GPR39: variants seen among roughly 807,000 people sequenced by gnomAD.
GPR39 encodes zinc sensing receptor.
GPR39 carries 23 observed loss-of-function variants against 18.4 expected under a neutral mutation model. The observed-to-expected ratio is 1.25, with a 90% CI of 0.90 to 1.77. The LOEUF (loss-of-function observed/expected upper bound fraction) is 1.77. Ranked by LOEUF, GPR39 falls within the 40% of genes most tolerant of loss-of-function variation. The pLI is 0.00. For missense variants in GPR39, 647 were observed against 602.4 expected, an observed-to-expected ratio of 1.07 and a Z score of -0.78; for synonymous variants, 280 against 257.9, an observed-to-expected ratio of 1.09 and a Z score of -0.82.
Position 132,567,565 on chromosome 2 carries a change from C to T in GPR39, c.857-77536C>T, listed in dbSNP as rs116030340. Among the ~76,000 whole-genome samples, 1,272 of 152,276 alleles carry T rather than the reference C, an allele frequency of 8.4e-3. 17 individuals carry two copies. Among genetic ancestry groups the T allele is most frequent in the African/African-American group, 0.029 (1,209 of 41,538 alleles). ...AAGAAGAATTTGACCTTGGATTTCT[C>T]GGCCTCCTGAATGGTAAGAAAGAAA... On this transcript the variant is annotated intron_variant, in intron 1 of 1. Coordinates refer to ENST00000329321, the MANE Select transcript of GPR39 (RefSeq NM_001508.3).
chr2:132,584,879 A>G (rs1468965934), intron 1 of GPR39, among the ~76,000 whole-genome samples: 1 of 152,090 alleles, frequency 6.6e-6, no homozygotes, highest in Non-Finnish European at 1.5e-5. Flanking sequence ...TTGTTTATGG[A>G]CTTTTAACAG....
In GPR39 at chr2:132,646,364, G is replaced by T; in HGVS notation, c.*758G>T. 1.1e-6 allele frequency: 1 copy of T among 920,636 alleles called. No homozygotes were observed. The highest frequency in any genetic ancestry group is 1.5e-6 in the Non-Finnish European group (1 of 659,498). The allele number at this position is 920,636 out of a possible 1,614,324, so 57.0% of individuals were successfully genotyped here. A position where few individuals can be genotyped will look rare whatever the true frequency, so the allele number is the denominator to read the frequency against. The stretch of plus-strand genomic sequence containing the variant: ...CTCTCAGCCCAAATCCAAACGGACA[G>T]CTCTTCCTTACTCCTCCCACAGCCC... On this transcript the variant is annotated 3_prime_UTR_variant, in exon 2 of 2. Coordinates refer to ENST00000329321, the MANE Select transcript of GPR39 (RefSeq NM_001508.3).
At chr2:132,579,302 A>C (rs1002415786) in intron 1 of GPR39, among the ~76,000 whole-genome samples, 2 of 151,950 alleles carry the variant, frequency 1.3e-5, no homozygotes, top group Non-Finnish European at 2.9e-5. Context: ...GTTTAATTTC[A>C]TTGTGGTCAG....
intron 1 of GPR39, among the ~76,000 whole-genome samples, chr2:132,464,427 C>G (rs1040885269): frequency 1.3e-5 from 2 of 152,138 alleles, no homozygotes; most frequent in Non-Finnish European, 2.9e-5. Flanking sequence ...TGCAGTATGC[C>G]TAGACTATTT....
chr2:132,573,015 C>T (rs11895187), intron 1 of GPR39, among the ~76,000 whole-genome samples: 8,030 of 152,100 alleles, frequency 0.053, 691 homozygotes, highest in African/African-American at 0.18. Context: ...ACATGGGTGC[C>T]CATTGTGGAA....
intron 1 of GPR39, among the ~76,000 whole-genome samples, chr2:132,547,270 TG>T (rs1679966624): frequency 6.6e-6 from 1 of 152,128 alleles, no homozygotes; most frequent in Admixed American, 6.5e-5. Context: ...TAGACAAAAA[TG>T]GGTTCCATAC....
At chr2:132,469,543 C>T (rs1021957745) in intron 1 of GPR39, among the ~76,000 whole-genome samples, 2 of 152,174 alleles carry the variant, frequency 1.3e-5, no homozygotes, top group Non-Finnish European at 2.9e-5. Flanking sequence ...GCCTGAGCGT[C>T]CTTTGGCTTT....
chr2:132,578,935 T>C (rs1199264869), intron 1 of GPR39, among the ~76,000 whole-genome samples: 1 of 151,958 alleles, frequency 6.6e-6, no homozygotes. Context: ...AACAGCTATT[T>C]TTAAAATTTC....
intron 1 of GPR39, among the ~76,000 whole-genome samples, chr2:132,495,577 A>G (rs1241300590): frequency 6.6e-6 from 1 of 152,132 alleles, no homozygotes; most frequent in Non-Finnish European, 1.5e-5. Context: ...CAGAGAGGCC[A>G]GGTTTGATTG....
intron 1 of GPR39, among the ~76,000 whole-genome samples, chr2:132,534,859 G>T (rs13405662): frequency 0.15 from 23,183 of 151,718 alleles, 1,851 homozygotes; most frequent in Middle Eastern, 0.24. Flanking sequence ...GGAGGAGGGA[G>T]GGTTAGCATT....
intron 1 of GPR39, among the ~76,000 whole-genome samples, chr2:132,550,788 A>C (rs758826579): frequency 2.8e-4 from 43 of 152,216 alleles, no homozygotes; most frequent in Non-Finnish European, 3.1e-4. Context: ...TTCATACATT[A>C]GTGATTATTC....
At chr2:132,558,052 C>CT (rs1490756177) in intron 1 of GPR39, among the ~76,000 whole-genome samples, 2 of 152,004 alleles carry the variant, frequency 1.3e-5, no homozygotes, top group Non-Finnish European at 2.9e-5. Flanking sequence ...TTTAGGGCTT[C>CT]TTTTTTGTTA....
chr2:132,516,659 C>G (rs762774156), intron 1 of GPR39, among the ~76,000 whole-genome samples: 1 of 152,112 alleles, frequency 6.6e-6, no homozygotes, highest in Non-Finnish European at 1.5e-5. Flanking sequence ...CTACAGTTAC[C>G]TCCTAGGTAA....
At chr2:132,608,014 G>C (rs558598572) in intron 1 of GPR39, among the ~76,000 whole-genome samples, 1 of 152,246 alleles carries the variant, frequency 6.6e-6, no homozygotes, top group East Asian at 1.9e-4. Context: ...GAACCCTCTG[G>C]AGAGGGGAAA....
At chr2:132,571,993 G>A (rs546082017) in intron 1 of GPR39, among the ~76,000 whole-genome samples, 8 of 152,256 alleles carry the variant, frequency 5.3e-5, no homozygotes, top group African/African-American at 4.8e-5. Context: ...ACAAAAGCGC[G>A]TGAAGTGTGA....
At chr2:132,603,353 TGTG>T (rs1473705850) in intron 1 of GPR39, among the ~76,000 whole-genome samples, 2 of 152,022 alleles carry the variant, frequency 1.3e-5, no homozygotes, top group Non-Finnish European at 2.9e-5. Context: ...AGAATGGAAT[TGTG>T]GTGATCAAGA....
chr2:132,551,339 C>G (rs1195615509), intron 1 of GPR39, among the ~76,000 whole-genome samples: 1 of 152,106 alleles, frequency 6.6e-6, no homozygotes, highest in African/African-American at 2.4e-5. Context: ...TCTCACTAGC[C>G]AGAATTGGCC....
chr2:132,530,714 A>G (rs994972991), intron 1 of GPR39, among the ~76,000 whole-genome samples: 3 of 152,234 alleles, frequency 2.0e-5, no homozygotes, highest in Admixed American at 2.0e-4. Context: ...TTCTTAAAGA[A>G]AAGAATTTCC....
intron 1 of GPR39, among the ~76,000 whole-genome samples, chr2:132,620,638 T>A (rs1681425389): frequency 6.6e-6 from 1 of 152,208 alleles, no homozygotes. Flanking sequence ...TCCCTCCCAG[T>A]GTCTCTTGGG....
Sources: allele counts gnomAD v4.1 joint callset (sites outside exome capture counted in the v4.1 genomes callset), GRCh38; gene constraint gnomAD v4.1.1; transcripts MANE v1.5; gene names NCBI Gene and HGNC (gene_info 2026-07-23, HGNC 2026-07-21).